The following RIMBP2 variants were observed in gnomAD, a reference collection of about 807,000 sequenced individuals.
The protein encoded by RIMBP2 is RIMS binding protein 2.
Under a neutral mutation model 118.6 loss-of-function variants are expected in RIMBP2, and 48 were observed. The observed-to-expected ratio is 0.40, with a 90% CI of 0.32 to 0.51. The LOEUF (loss-of-function observed/expected upper bound fraction) is 0.51, where lower values mean the gene tolerates loss of function less well. Ranked by LOEUF, RIMBP2 falls within the 20% of genes least tolerant of loss-of-function variation. The probability of loss-of-function intolerance (pLI) is 0.41; values close to 1 mark genes in which losing one functional copy is unlikely to be tolerated. For synonymous variants in RIMBP2, 762 were observed against 742.9 expected, an observed-to-expected ratio of 1.03 and a Z score of -0.42; for missense variants, 1,551 against 1,768.3, an observed-to-expected ratio of 0.88 and a Z score of 2.20.
At position 130,664,439 on chromosome 12, in the gene RIMBP2, G is replaced by A. The variant is rs763592846; in HGVS notation, c.-351-35983C>T. On this transcript the variant is annotated intron_variant, in intron 1 of 22. Coordinates refer to ENST00000690449, the MANE Select transcript of RIMBP2 (RefSeq NM_001393629.1). ...CACACACGCACACACATGCATGCAC[G>A]CACACACGCACACACATGCACGCAC... Among the ~76,000 whole-genome samples, 180 of 123,434 alleles carry A rather than the reference G, an allele frequency of 1.5e-3. 5 individuals carry two copies. Among genetic ancestry groups the A allele is most frequent in the East Asian group, 9.8e-3 (40 of 4,080 alleles). 81.0% of individuals were successfully genotyped at this position (123,434 alleles called of 152,430 possible).
Position 130,476,288 on chromosome 12 carries a change from G to A in RIMBP2, c.102+2624C>T, listed in dbSNP as rs550548202. Among the ~76,000 whole-genome samples the A allele has an allele frequency of 5.9e-5, 9 of 152,342 alleles. No individual in the cohort carries two copies. In the South Asian group the frequency reaches 1.9e-3, roughly 32 times the overall value. On this transcript the variant is annotated intron_variant, in intron 5 of 22. Coordinates refer to ENST00000690449, the MANE Select transcript of RIMBP2 (RefSeq NM_001393629.1). ...GTCCCGTGACGGCAAGTTCAAGAAA[G>A]AGCTGGGGTTGCAGAAAGAGAGAAG...
At chr12:130,595,962 T>C (rs1179669812) in intron 2 of RIMBP2, among the ~76,000 whole-genome samples, 3 of 152,234 alleles carry the variant, frequency 2.0e-5, no homozygotes, top group African/African-American at 7.2e-5. Context: ...TGATACCTCC[T>C]CTTTTTGAAA....
chr12:130,412,855 G>T, intron 18 of RIMBP2, 68 bp from the exon 19 acceptor site: 1 of 1,404,716 alleles, frequency 7.1e-7, no homozygotes, highest in South Asian at 1.4e-5. Flanking sequence ...TAGTCCCACT[G>T]ACGGTAAGTG....
At chr12:130,634,767 T>A (rs1004361057) in intron 1 of RIMBP2, among the ~76,000 whole-genome samples, 3 of 151,654 alleles carry the variant, frequency 2.0e-5, no homozygotes, top group Non-Finnish European at 4.4e-5. Context: ...AATGAAAAAA[T>A]ATATATATTT....
rs2078439023 is a variant in RIMBP2 at position 130,445,327 on chromosome 12, T to A, written c.582-58A>T. 3 of 1,260,876 alleles carry A rather than the reference T, an allele frequency of 2.4e-6. No homozygotes were observed. The South Asian group carries it at 4.1e-5, about 17-fold the overall frequency. 78.1% of individuals were successfully genotyped at this position (1,260,876 alleles called of 1,614,324 possible). On this transcript the variant is annotated intron_variant, in intron 9 of 22. Transcript: ENST00000690449. The stretch of plus-strand genomic sequence containing the variant: ...CTCTGGAGGACACAGCCCGCACCCC[T>A]GTCCGTGCAGAACGCCAGACGGGCA...
At chr12:130,573,090 G>A (rs1407870484) in intron 2 of RIMBP2, among the ~76,000 whole-genome samples, 1 of 152,174 alleles carries the variant, frequency 6.6e-6, no homozygotes, top group African/African-American at 2.4e-5. Context: ...CCACAAAGCA[G>A]ACATGGCAGC....
Position 130,442,806 on chromosome 12 carries a change from G to C in RIMBP2, c.692-146C>G. 1 of 649,684 alleles carries C rather than the reference G, an allele frequency of 1.5e-6. No individual in the cohort carries two copies. The highest frequency in any genetic ancestry group is 2.9e-5 in the Admixed American group (1 of 33,910). 40.2% of individuals were successfully genotyped at this position (649,684 alleles called of 1,614,324 possible). ...TCCTCCGCTGTTCCCAGGAGTCCAT[G>C]CTGGGGCCAGCTCCACACCCACCAT... is the stretch of plus-strand genomic sequence containing the variant. On this transcript the variant is annotated intron_variant, in intron 10 of 22. Transcript: ENST00000690449. This position sits in a 1 kb window ranked among gnomAD's most constrained non-coding sequence, Gnocchi z 6.9.
intron 2 of RIMBP2, among the ~76,000 whole-genome samples, chr12:130,567,673 C>G (rs1030326099): frequency 3.9e-5 from 6 of 152,202 alleles, no homozygotes; most frequent in African/African-American, 1.4e-4. Context: ...CATCACATAT[C>G]CCCCTGGGCA....
intron 1 of RIMBP2, among the ~76,000 whole-genome samples, chr12:130,649,831 G>T (rs1001156140): frequency 6.6e-6 from 1 of 151,884 alleles, no homozygotes; most frequent in African/African-American, 2.4e-5. Context: ...GAGGACGTGC[G>T]GGTGCTGGGA....
chr12:130,605,685 T>TAC (rs562441909), intron 2 of RIMBP2, among the ~76,000 whole-genome samples: 327 of 152,344 alleles, frequency 2.1e-3, no homozygotes, highest in African/African-American at 7.5e-3. Flanking sequence ...ACAATGCTGT[T>TAC]ACATGATTGC....
chr12:130,649,177 C>T (rs1472818704), intron 1 of RIMBP2, among the ~76,000 whole-genome samples: 4 of 145,948 alleles, frequency 2.7e-5, no homozygotes, highest in South Asian at 2.1e-4. Flanking sequence ...AGAGAGCAAC[C>T]GGAGGGACAG....
chr12:130,714,980 G>T (rs1043973917), intron 1 of RIMBP2, among the ~76,000 whole-genome samples: 4 of 152,186 alleles, frequency 2.6e-5, no homozygotes, highest in Non-Finnish European at 4.4e-5. Context: ...GAGTGAGCCT[G>T]CACGCCAGCT....
At chr12:130,488,719 C>T (rs1244472500) in intron 4 of RIMBP2, among the ~76,000 whole-genome samples, 1 of 152,204 alleles carries the variant, frequency 6.6e-6, no homozygotes, top group Non-Finnish European at 1.5e-5. Context: ...ATCCTGAGGG[C>T]TCCATTCCAT....
At chr12:130,626,916 C>T (rs1019394947) in intron 2 of RIMBP2, among the ~76,000 whole-genome samples, 1 of 151,646 alleles carries the variant, frequency 6.6e-6, no homozygotes, top group African/African-American at 2.4e-5. Context: ...TCTTCTCCAT[C>T]ACGACTACCG....
Position 130,581,546 on chromosome 12 carries a change from C to T in RIMBP2, c.-217+46776G>A, listed in dbSNP as rs1386768714. Reference sequence around the variant, plus strand: ...CCTGGCCTTCCTGCCAGTCTCCCCACCCCACAGCCCTCCCGTGCCAGTAGG... The same window carrying T: ...CCTGGCCTTCCTGCCAGTCTCCCCATCCCACAGCCCTCCCGTGCCAGTAGG... On this transcript the variant is annotated intron_variant, in intron 2 of 22. Coordinates refer to ENST00000690449, the MANE Select transcript of RIMBP2 (RefSeq NM_001393629.1). The surrounding 1 kb of genome is among the most constrained non-coding windows in gnomAD (Gnocchi z 4.4). 1.3e-5 allele frequency among the ~76,000 whole-genome samples: 2 copies of T among 152,196 alleles called. No homozygotes were observed. Among genetic ancestry groups the T allele is most frequent in the Admixed American group, 6.5e-5 (1 of 15,284 alleles).
intron 1 of RIMBP2, among the ~76,000 whole-genome samples, chr12:130,672,292 A>G (rs2064236043): frequency 6.6e-6 from 1 of 152,250 alleles, no homozygotes; most frequent in Non-Finnish European, 1.5e-5. Context: ...AATACGACTC[A>G]TTAAATCAAT....
At chr12:130,514,488 T>C (rs1306218926) in intron 3 of RIMBP2, among the ~76,000 whole-genome samples, 1 of 152,208 alleles carries the variant, frequency 6.6e-6, no homozygotes, top group African/African-American at 2.4e-5. Flanking sequence ...GGTCAATGCC[T>C]GCAGGGCTCA....
At chr12:130,649,836 C>T (rs1397213862) in intron 1 of RIMBP2, among the ~76,000 whole-genome samples, 4 of 152,022 alleles carry the variant, frequency 2.6e-5, no homozygotes, top group Non-Finnish European at 4.4e-5. Flanking sequence ...CGTGCGGGTG[C>T]TGGGAGTACT....
chr12:130,686,322 C>T (rs1420994560), intron 1 of RIMBP2, among the ~76,000 whole-genome samples: 1 of 152,244 alleles, frequency 6.6e-6, no homozygotes, highest in Non-Finnish European at 1.5e-5. Flanking sequence ...CTTCACTCCC[C>T]TCTGCAAGGT....
Sources: gnomAD v4.1 joint callset for allele counts (sites outside exome capture counted in the v4.1 genomes callset) on GRCh38, gnomAD v4.1.1 for gene constraint, Gnocchi (gnomAD v3.1) non-coding constraint, MANE v1.5 for transcripts, NCBI Gene and HGNC (gene_info 2026-07-23, HGNC 2026-07-21) for gene names.